Variants in ERCC6 observed in about 807,000 individuals in gnomAD.
The protein encoded by ERCC6 is DNA excision repair protein ERCC-6.
ERCC6 carries 116 observed loss-of-function variants against 158.7 expected under a neutral mutation model. The ratio of observed to expected loss-of-function variants is 0.73; its 90% CI spans 0.63 to 0.85. The LOEUF (loss-of-function observed/expected upper bound fraction) is 0.85. ERCC6 is among the 40% of genes least tolerant of loss of function. The pLI is 0.00. For synonymous variants in ERCC6, 678 were observed against 659.3 expected, an observed-to-expected ratio of 1.03 and a Z score of -0.43; for missense variants, 1,698 against 1,799.4, an observed-to-expected ratio of 0.94 and a Z score of 1.02.
intron 7 of ERCC6, among the ~76,000 whole-genome samples, chr10:49,493,971 A>G (rs1014287933): frequency 3.3e-5 from 5 of 152,250 alleles, no homozygotes; most frequent in African/African-American, 1.2e-4. Context: ...CAAAATCAAG[A>G]GCCTCAACAG....
intron 5 of ERCC6, among the ~76,000 whole-genome samples, chr10:49,518,280 AG>A (rs1372089180): frequency 6.6e-6 from 1 of 152,228 alleles, no homozygotes; most frequent in Non-Finnish European, 1.5e-5. Context: ...GGGAGAAACC[AG>A]GCACTGAAAC....
chr10:49,537,500 T>TACACAC (rs1234237442), intron 1 of ERCC6, among the ~76,000 whole-genome samples: 256 of 133,114 alleles, frequency 1.9e-3, no homozygotes, highest in African/African-American at 6.8e-3. Context: ...TATATATATA[T>TACACAC]ATACACATAC....
Position 49,530,747 on chromosome 10 carries a change from A to T in ERCC6, c.516T>A (p.Asp172Glu). The T allele has an allele frequency of 6.2e-7, 1 of 1,613,762 alleles. No homozygotes were observed. Among genetic ancestry groups the T allele is most frequent in the Non-Finnish European group, 8.5e-7 (1 of 1,179,848 alleles). ...ATSRDINRKL[D>E]SVKRQKYNKE... ...TATTATACTTCTGTCGTTTTACAGA[A>T]TCTAGTTTCCTGTTGATGTCTCTGC... The change falls in exon 3 of 21, where the codon GAT (aspartate) becomes GAA (glutamate). Residue 172 changes from aspartate (D) to glutamate (E), a missense_variant. Asp to Glu is a conservative substitution (Grantham distance 45). Coordinates refer to ENST00000355832, the MANE Select transcript of ERCC6 (RefSeq NM_000124.4).
chr10:49,515,301 A>G (rs756678950), intron 5 of ERCC6: 6 of 1,573,918 alleles, frequency 3.8e-6, no homozygotes, highest in Non-Finnish European at 5.2e-6. Flanking sequence ...GTATAAAACT[A>G]TGTTTCTTAT....
downstream of ERCC6, among the ~76,000 whole-genome samples, chr10:49,451,287 A>C (rs533343687): frequency 6.6e-6 from 1 of 150,386 alleles, no homozygotes; most frequent in African/African-American, 2.4e-5. Context: ...TTCTTGCATA[A>C]TTGCAATGGC....
At chr10:49,516,144 T>G (rs1353705826) in intron 5 of ERCC6, 2 of 1,614,012 alleles carry the variant, frequency 1.2e-6, no homozygotes, top group East Asian at 4.5e-5. Context: ...GACACCATAT[T>G]CCTCATGTTT....
intron 5 of ERCC6, among the ~76,000 whole-genome samples, chr10:49,522,572 TTAAC>T (rs1322215286): frequency 6.6e-6 from 1 of 152,212 alleles, no homozygotes; most frequent in East Asian, 1.9e-4. Context: ...TGCCATCAAA[TTAAC>T]TAAACCCACA....
chr10:49,518,000 C>G (rs991525902), intron 5 of ERCC6, among the ~76,000 whole-genome samples: 1 of 152,146 alleles, frequency 6.6e-6, no homozygotes, highest in Non-Finnish European at 1.5e-5. Flanking sequence ...AAAAAAAAGG[C>G]ACAATCAAAT....
At chr10:49,527,614 G>T (rs770659811) in intron 4 of ERCC6, among the ~76,000 whole-genome samples, 1 of 152,220 alleles carries the variant, frequency 6.6e-6, no homozygotes, top group African/African-American at 2.4e-5. Flanking sequence ...GGCAGAGGTT[G>T]CAGTGAGCTG....
chr10:49,437,726 A>G, the ERCC6 span, among the ~76,000 whole-genome samples: 357 of 152,348 alleles, frequency 2.3e-3, 1 homozygote, highest in African/African-American at 8.1e-3. Flanking sequence ...AAAGTTAACA[A>G]CAGAGTAATC....
the ERCC6 span, among the ~76,000 whole-genome samples, chr10:49,443,853 T>C: frequency 7.2e-5 from 11 of 152,208 alleles, no homozygotes; most frequent in Non-Finnish European, 1.5e-4. Flanking sequence ...AGTCACTCTA[T>C]GAGGCTAGCA....
rs956055610 is a variant in ERCC6, at chr10:49,457,853, A to G, written c.*962T>C. ...ACATAAACAGTAGTGAGATACAAAC[A>G]GCCTTGGCTGGAATCCAAACCGCAG... On this transcript the variant is annotated 3_prime_UTR_variant, in exon 21 of 21. Transcript: ENST00000355832. 6.6e-5 allele frequency: 10 copies of G among 152,284 alleles called. No homozygotes were observed. The highest frequency in any genetic ancestry group is 2.4e-4 in the African/African-American group (10 of 41,458). The allele number at this position is 152,284 out of a possible 1,614,324, so 9.4% of individuals were successfully genotyped here. A position where few individuals can be genotyped will look rare whatever the true frequency, so the allele number is the denominator to read the frequency against.
chr10:49,500,103 G>A (rs1384688095), intron 7 of ERCC6, among the ~76,000 whole-genome samples: 1 of 152,146 alleles, frequency 6.6e-6, no homozygotes, highest in Non-Finnish European at 1.5e-5. Flanking sequence ...TGTACTTACT[G>A]TAATGCTCAC....
chr10:49,472,788 G>A, intron 15 of ERCC6, 121 bp downstream of exon 15: 1 of 1,207,316 alleles, frequency 8.3e-7, no homozygotes, highest in Non-Finnish European at 1.2e-6. Flanking sequence ...AAGAACAGGA[G>A]ACAATCAAAA....
At chr10:49,501,821 G>A (rs1039081039) in intron 6 of ERCC6, 1 of 152,052 alleles carries the variant, frequency 6.6e-6, no homozygotes, top group African/African-American at 2.4e-5. Flanking sequence ...TTAGCCAGGA[G>A]TGGTGGCACG....
chr10:49,514,767 A>G (rs936939004), intron 5 of ERCC6, among the ~76,000 whole-genome samples: 10 of 152,244 alleles, frequency 6.6e-5, no homozygotes, highest in Non-Finnish European at 1.5e-5. Context: ...CAAGCTGGGT[A>G]TTTAATATAG....
At position 49,482,837 on chromosome 10, in the gene ERCC6, C is replaced by A. The variant is rs535929212; in HGVS notation, c.2019G>T (p.Leu673=). The A allele has an allele frequency of 6.2e-7, 1 of 1,614,008 alleles. No individual in the cohort carries two copies. The highest frequency in any genetic ancestry group is 8.5e-7 in the Non-Finnish European group (1 of 1,179,972). ...KQFRTPHRII[L]SGSPMQNNLR... The stretch of plus-strand genomic sequence containing the variant: ...GGTTATTTTGCATCGGTGAGCCAGA[C>A]AGAATGATCCGATGAGGGGTGCGAA... The change falls in exon 10 of 21, where the codon CTG becomes CTT. Residue 673 remains leucine, a synonymous_variant. Coordinates refer to ENST00000355832, the MANE Select transcript of ERCC6 (RefSeq NM_000124.4).
downstream of ERCC6, among the ~76,000 whole-genome samples, chr10:49,451,921 G>C (rs898991403): frequency 6.6e-6 from 1 of 152,042 alleles, no homozygotes; most frequent in Non-Finnish European, 1.5e-5. Flanking sequence ...ACTAGTTATA[G>C]GTCTATTCAG....
chr10:49,465,730 C>G (rs1850663995), intron 18 of ERCC6, among the ~76,000 whole-genome samples: 1 of 152,200 alleles, frequency 6.6e-6, no homozygotes, highest in Admixed American at 6.5e-5. Context: ...TCTGCACAAG[C>G]TCTTTGCCTG....
Sources: gnomAD v4.1 joint callset for allele counts (sites outside exome capture counted in the v4.1 genomes callset) on GRCh38, gnomAD v4.1.1 for gene constraint, MANE v1.5 for transcripts, NCBI Gene and HGNC (gene_info 2026-07-23, HGNC 2026-07-21) for gene names.